The following PCTP variants were observed in gnomAD, a reference collection of about 807,000 sequenced individuals.
PCTP encodes START domain-containing protein 2.
In PCTP, 27 loss-of-function variants were observed where a neutral mutation model predicts 31.0. That is an observed-to-expected ratio of 0.87 (90% confidence interval 0.64 to 1.20). PCTP has a LOEUF of 1.20. PCTP is among the 50% of genes most tolerant of loss of function. The probability of loss-of-function intolerance (pLI) is 0.00; values close to 1 mark genes in which losing one functional copy is unlikely to be tolerated. For synonymous variants in PCTP, 108 were observed against 101.2 expected (o/e 1.07, Z -0.40); for missense variants, 287 against 268.2 (o/e 1.07, Z -0.49).
intron 3 of PCTP, among the ~76,000 whole-genome samples, 189 bp downstream of exon 3, chr17:55,771,374 T>C (rs1235252993): frequency 6.6e-6 from 1 of 152,250 alleles, no homozygotes; most frequent in African/African-American, 2.4e-5. Flanking sequence ...GAGTGTGATT[T>C]CTGGGCCCAA....
At position 55,776,517 on chromosome 17, in the gene PCTP, G is replaced by T; in HGVS notation, c.*417G>T. On this transcript the variant is annotated 3_prime_UTR_variant, in exon 6 of 6. Transcript: ENST00000268896. ...AATTTAAGAATGACTATTTGGGCGG[G>T]CTGGCTCTTTTGCAGCTTGTGATTT... 2 of 1,232,142 alleles carry T rather than the reference G, an allele frequency of 1.6e-6. No homozygotes were observed. Among genetic ancestry groups the T allele is most frequent in the Admixed American group, 4.2e-5 (1 of 23,730 alleles). 76.3% of individuals were successfully genotyped at this position (1,232,142 alleles called of 1,614,324 possible).
chr17:55,814,602 C>T (rs992761823), intron 3 of PCTP, among the ~76,000 whole-genome samples: 2 of 152,206 alleles, frequency 1.3e-5, no homozygotes, highest in Non-Finnish European at 2.9e-5. Flanking sequence ...AGCATCATTG[C>T]GTTTGCCTGG....
chr17:55,814,491 G>C (rs1008245438), intron 3 of PCTP, among the ~76,000 whole-genome samples: 1 of 152,240 alleles, frequency 6.6e-6, no homozygotes, highest in Admixed American at 6.5e-5. Flanking sequence ...GCCAGCAGCT[G>C]TGCCAAGGCT....
At chr17:55,817,927 A>G (rs1003575061) in intron 3 of PCTP, among the ~76,000 whole-genome samples, 2 of 152,156 alleles carry the variant, frequency 1.3e-5, no homozygotes, top group African/African-American at 4.8e-5. Context: ...ACAGAGGAAA[A>G]CTAACCATGA....
At chr17:55,805,211 A>C (rs1255462568) in intron 3 of PCTP, among the ~76,000 whole-genome samples, 4 of 152,124 alleles carry the variant, frequency 2.6e-5, no homozygotes, top group Non-Finnish European at 5.9e-5. Flanking sequence ...GTTTCTTTTT[A>C]AACTATTTTA....
At chr17:55,848,777 C>A in the PCTP span, among the ~76,000 whole-genome samples, 2 of 152,176 alleles carry the variant, frequency 1.3e-5, no homozygotes, top group African/African-American at 4.8e-5. Flanking sequence ...GGGCCTACAG[C>A]AACAGAGCTG....
chr17:55,807,971 T>A (rs914330977), intron 3 of PCTP, among the ~76,000 whole-genome samples: 5 of 152,324 alleles, frequency 3.3e-5, no homozygotes, highest in Admixed American at 6.5e-5. Flanking sequence ...TAATGATAAT[T>A]ACTGCGTTGG....
intron 1 of PCTP, among the ~76,000 whole-genome samples, chr17:55,766,603 A>G (rs1910673218): frequency 6.6e-6 from 1 of 151,952 alleles, no homozygotes; most frequent in Non-Finnish European, 1.5e-5. Context: ...GTCATTTTTT[A>G]TGGCTGCATA....
intron 4 of PCTP, 54 bp from the exon 5 acceptor site, chr17:55,774,738 A>G: frequency 7.2e-7 from 1 of 1,381,680 alleles, no homozygotes; most frequent in Non-Finnish European, 1.0e-6. Flanking sequence ...TTTTGTTGCT[A>G]TATTTTTCTG....
chr17:55,810,745 AC>A (rs1415300824), intron 3 of PCTP, among the ~76,000 whole-genome samples: 1 of 152,192 alleles, frequency 6.6e-6, no homozygotes, highest in African/African-American at 2.4e-5. Context: ...ACTAGAGGAA[AC>A]CATAGTCAGG....
chr17:55,763,575 C>T (rs924085571), intron 1 of PCTP, among the ~76,000 whole-genome samples: 1 of 151,096 alleles, frequency 6.6e-6, no homozygotes, highest in Non-Finnish European at 1.5e-5. Context: ...GTCTTCATAA[C>T]CTCAGTATAA....
intron 5 of PCTP, among the ~76,000 whole-genome samples, chr17:55,836,838 A>G (rs538283844): frequency 6.6e-6 from 1 of 152,326 alleles, no homozygotes; most frequent in East Asian, 1.9e-4. Flanking sequence ...GACTAATAAT[A>G]AGCCAAAATT....
chr17:55,792,682 A>G lies in PCTP; in HGVS notation c.317+5028A>G, dbSNP rs189008306. On this transcript the variant is annotated intron_variant, in intron 3 of 3. Transcript: ENST00000572536. ...GGGCCTCAGTTTCTTCCTCCAGGAA[A>G]TAAAATAGGTCACCAGGTGACTTCA... Among the ~76,000 whole-genome samples the G allele has an allele frequency of 3.1e-4, 47 of 152,258 alleles. No individual in the cohort carries two copies. In the East Asian group the frequency reaches 8.5e-3, roughly 28 times the overall value.
intron 2 of PCTP, among the ~76,000 whole-genome samples, chr17:55,786,783 T>C (rs908428056): frequency 3.3e-5 from 5 of 152,188 alleles, no homozygotes; most frequent in African/African-American, 9.7e-5. Context: ...TTTCTGCTTA[T>C]TTGAGAGCAG....
downstream of PCTP, among the ~76,000 whole-genome samples, chr17:55,781,245 A>T (rs980247998): frequency 2.6e-5 from 4 of 152,208 alleles, no homozygotes; most frequent in Non-Finnish European, 5.9e-5. Flanking sequence ...TCCCAATTGT[A>T]CATCTCTATC....
chr17:55,758,333 CCTA>C (rs1168824578), intron 1 of PCTP, among the ~76,000 whole-genome samples: 1 of 152,136 alleles, frequency 6.6e-6, no homozygotes, highest in East Asian at 1.9e-4. Context: ...GTGCTCTTGA[CCTA>C]CTAAAATTCT....
At chr17:55,826,087 G>T (rs984816724), downstream of PCTP, among the ~76,000 whole-genome samples, 1 of 152,234 alleles carries the variant, frequency 6.6e-6, no homozygotes, top group African/African-American at 2.4e-5. Context: ...AGTGTAAGTA[G>T]CAAAGCTGGA....
At chr17:55,768,817 C>T (rs1373386096) in intron 2 of PCTP, 1 of 152,176 alleles carries the variant, frequency 6.6e-6, no homozygotes, top group Non-Finnish European at 1.5e-5. Flanking sequence ...AGGGACTTCT[C>T]CTGCCACTTA....
chr17:55,813,142 C>T (rs889724349), intron 3 of PCTP, among the ~76,000 whole-genome samples: 5 of 152,198 alleles, frequency 3.3e-5, no homozygotes, highest in Admixed American at 1.3e-4. Flanking sequence ...CAGTAATCAA[C>T]ACACCAAATT....
Sources: gnomAD v4.1 joint callset for allele counts (sites outside exome capture counted in the v4.1 genomes callset) on GRCh38, gnomAD v4.1.1 for gene constraint, MANE v1.5 for transcripts, NCBI Gene and HGNC (gene_info 2026-07-23, HGNC 2026-07-21) for gene names.